ABHD5: variants seen among roughly 807,000 people sequenced by gnomAD.
The protein encoded by ABHD5 is 1-acylglycerol-3-phosphate O-acyltransferase ABHD5.
Under a neutral mutation model 44.9 loss-of-function variants are expected in ABHD5, and 30 were observed. That is an observed-to-expected ratio of 0.67 (90% CI 0.50 to 0.91). The LOEUF (loss-of-function observed/expected upper bound fraction) is 0.91, where lower values mean the gene tolerates loss of function less well. ABHD5 is among the 40% of genes least tolerant of loss of function. ABHD5 has a pLI of 0.00. For synonymous variants in ABHD5, 167 were observed against 147.0 expected (o/e 1.14, Z -0.99); for missense variants, 399 against 423.4 (o/e 0.94, Z 0.50).
intron 4 of ABHD5, among the ~76,000 whole-genome samples, chr3:43,712,531 A>G (rs1172909394): frequency 1.3e-5 from 2 of 152,136 alleles, no homozygotes; most frequent in African/African-American, 4.8e-5. Flanking sequence ...ACAGATAATG[A>G]TGTTCTGAAC....
chr3:43,695,108 AC>A (rs2084457159), intron 1 of ABHD5: 1 of 151,510 alleles, frequency 6.6e-6, no homozygotes, highest in Admixed American at 6.6e-5. Flanking sequence ...GCTGGTCTTG[AC>A]CTCCTGACTG....
intron 1 of ABHD5, among the ~76,000 whole-genome samples, chr3:43,696,536 C>T (rs148057650): frequency 1.4e-3 from 212 of 152,114 alleles, no homozygotes; most frequent in African/African-American, 4.9e-3. Context: ...TAATTTATCC[C>T]GAAGACAGGA....
chr3:43,717,183 CAAAA>C (rs1269514455), intron 5 of ABHD5, among the ~76,000 whole-genome samples: 1 of 143,864 alleles, frequency 7.0e-6, no homozygotes, highest in Non-Finnish European at 1.5e-5. Flanking sequence ...TCAAAAAAAA[CAAAA>C]AAAACAAAAA....
chr3:43,722,483 A>T lies in ABHD5; in HGVS notation c.*3951A>T, dbSNP rs1218392699. ...AGTGGTGGTAGGGAGCTAGACAAGG[A>T]TGGCAACTATTTCTGTATCTTACAT... On this transcript the variant is annotated 3_prime_UTR_variant, in exon 7 of 7. Transcript: ENST00000644371. 6.6e-6 allele frequency: 1 copy of T among 152,238 alleles called. No individual in the cohort carries two copies. Among genetic ancestry groups the T allele is most frequent in the African/African-American group, 2.4e-5 (1 of 41,472 alleles). The allele number at this position is 152,238 out of a possible 1,614,324, so 9.4% of individuals were successfully genotyped here.
intron 7 of ABHD5, among the ~76,000 whole-genome samples, chr3:43,730,352 G>A (rs1292675108): frequency 6.6e-6 from 1 of 152,148 alleles, no homozygotes; most frequent in African/African-American, 2.4e-5. Flanking sequence ...GGAAAGTCAA[G>A]GAAACCTTGC....
chr3:43,702,355 G>A lies in ABHD5; in HGVS notation c.274G>A (p.Ala92Thr). ...HGFGGGLGLW[A>T]LNFGDLCTNR... Reference sequence around the variant, plus strand: ...TTTTGGAGGAGGTCTTGGGCTCTGGGCACTGAATTTTGGAGATCTTTGCAC... The same window carrying A: ...TTTTGGAGGAGGTCTTGGGCTCTGGACACTGAATTTTGGAGATCTTTGCAC... Residue 92 changes from alanine to threonine, a missense_variant, in exon 3 of 7, where the codon GCA becomes ACA. Transcript: ENST00000644371. 1 of 1,614,176 alleles carries A rather than the reference G, an allele frequency of 6.2e-7. No homozygotes were observed. The highest frequency in any genetic ancestry group is 8.5e-7 in the Non-Finnish European group (1 of 1,180,012).
chr3:43,697,156 G>A (rs1283821803), intron 1 of ABHD5, among the ~76,000 whole-genome samples: 1 of 152,158 alleles, frequency 6.6e-6, no homozygotes, highest in Non-Finnish European at 1.5e-5. Flanking sequence ...TTACAGGCTG[G>A]TATGTAACTT....
chr3:43,717,623 AC>A, intron 5 of ABHD5, 47 bp from the exon 6 acceptor site: 1 of 1,596,332 alleles, frequency 6.3e-7, no homozygotes, highest in South Asian at 1.1e-5. Flanking sequence ...TGCAATGCAT[AC>A]TCATTCCCAA....
rs1385566037 is a variant in ABHD5 at position 43,699,375 on chromosome 3, C to T, written c.133+14C>T. 2.5e-6 allele frequency: 4 copies of T among 1,601,144 alleles called. No homozygotes were observed. ...AGATGTTAAAATGTAAGGCTTTCTTCTTGTAAGTTAAATGAGCTGTGTACT... is the reference window on the plus strand; with the variant it reads ...AGATGTTAAAATGTAAGGCTTTCTTTTTGTAAGTTAAATGAGCTGTGTACT... On this transcript the variant is annotated intron_variant, in intron 2 of 6. Coordinates refer to ENST00000644371, the MANE Select transcript of ABHD5 (RefSeq NM_016006.6).
chr3:43,690,913 G>A, upstream of ABHD5: 3 of 1,466,458 alleles, frequency 2.0e-6, no homozygotes, highest in Non-Finnish European at 2.7e-6. Flanking sequence ...GCCGCCTTAA[G>A]TGCCGCGCCA....
intron 5 of ABHD5, among the ~76,000 whole-genome samples, chr3:43,716,341 T>C (rs904651760): frequency 6.6e-6 from 1 of 152,166 alleles, no homozygotes; most frequent in Non-Finnish European, 1.5e-5. Context: ...ACAAATACTC[T>C]GGTGATTCTG....
intron 1 of ABHD5, among the ~76,000 whole-genome samples, chr3:43,692,174 A>G (rs773120006): frequency 1.3e-5 from 2 of 152,198 alleles, no homozygotes; most frequent in Non-Finnish European, 2.9e-5. Context: ...AACCTAAATG[A>G]TAGAATATGG....
At chr3:43,691,288 C>T in intron 1 of ABHD5, 8 of 359,916 alleles carry the variant, frequency 2.2e-5, no homozygotes, top group Non-Finnish European at 4.0e-5. Context: ...CGCCGGGAGG[C>T]CGCCTTGACC....
At chr3:43,692,763 AC>A (rs1338477908) in intron 1 of ABHD5, among the ~76,000 whole-genome samples, 3 of 152,204 alleles carry the variant, frequency 2.0e-5, no homozygotes, top group African/African-American at 7.2e-5. Context: ...CCTTTGTGGA[AC>A]CCTTTGAGGT....
At chr3:43,707,355 T>C (rs2084634083) in intron 3 of ABHD5, among the ~76,000 whole-genome samples, 1 of 152,224 alleles carries the variant, frequency 6.6e-6, no homozygotes, top group Non-Finnish European at 1.5e-5. Context: ...TTTGCCTGGC[T>C]CTGTCTTCTG....
intron 3 of ABHD5, among the ~76,000 whole-genome samples, chr3:43,707,496 C>G (rs1469197766): frequency 6.6e-6 from 1 of 152,178 alleles, no homozygotes; most frequent in East Asian, 1.9e-4. Context: ...TCACCAATGG[C>G]TTGGAGCCAA....
intron 6 of ABHD5, 139 bp downstream of exon 6, chr3:43,717,996 A>G (rs892310967): frequency 9.4e-7 from 1 of 1,062,770 alleles, no homozygotes; most frequent in Admixed American, 2.0e-5. Flanking sequence ...ACGTGATACC[A>G]CCTGTGATGG....
intron 1 of ABHD5, among the ~76,000 whole-genome samples, chr3:43,698,221 T>C (rs568324002): frequency 6.6e-6 from 1 of 152,332 alleles, no homozygotes; most frequent in Admixed American, 6.5e-5. Context: ...ATAACTTCTT[T>C]ATCTCCAACC....
In ABHD5 at chr3:43,713,233, G is replaced by A. The variant is rs182967283; in HGVS notation, c.661+1370G>A. Reference sequence around the variant, plus strand: ...CTCAGGAGAGGAGGCTGAGACATGAGAATTACTCAAACCTGGGAGGTGGAG... The same window carrying A: ...CTCAGGAGAGGAGGCTGAGACATGAAAATTACTCAAACCTGGGAGGTGGAG... On this transcript the variant is annotated intron_variant, in intron 4 of 6. Coordinates refer to ENST00000644371, the MANE Select transcript of ABHD5 (RefSeq NM_016006.6). Among the ~76,000 whole-genome samples the A allele has an allele frequency of 3.5e-4, 50 of 144,156 alleles. No individual in the cohort carries two copies. The East Asian group carries it at 8.7e-3, about 25-fold the overall frequency. The allele number at this position is 144,156 out of a possible 152,430, so 94.6% of individuals were successfully genotyped here. A position where few individuals can be genotyped will look rare whatever the true frequency, so the allele number is the denominator to read the frequency against.
Sources: allele counts gnomAD v4.1 joint callset (sites outside exome capture counted in the v4.1 genomes callset), GRCh38; gene constraint gnomAD v4.1.1; transcripts MANE v1.5; gene names NCBI Gene and HGNC (gene_info 2026-07-23, HGNC 2026-07-21).